Variants in TMEM52B observed in about 807,000 individuals in gnomAD.
TMEM52B encodes the protein chromosome 12 open reading frame 59.
In TMEM52B, 11 loss-of-function variants were observed where a neutral mutation model predicts 16.1. The observed-to-expected ratio is 0.68, with a 90% CI of 0.43 to 1.13. The LOEUF (loss-of-function observed/expected upper bound fraction) is 1.13, where lower values mean the gene tolerates loss of function less well. Ranked by LOEUF, TMEM52B falls within the 50% of genes most tolerant of loss-of-function variation. The probability of loss-of-function intolerance (pLI) is 0.00; values close to 1 mark genes in which losing one functional copy is unlikely to be tolerated. For synonymous variants in TMEM52B, 101 were observed against 93.8 expected (o/e 1.08, Z -0.45); for missense variants, 243 against 230.4 (o/e 1.05, Z -0.35).
intron 2 of TMEM52B, among the ~76,000 whole-genome samples, chr12:10,183,785 A>G (rs1414925386): frequency 6.6e-6 from 1 of 152,134 alleles, no homozygotes; most frequent in Non-Finnish European, 1.5e-5. Flanking sequence ...CTCAGTGGAT[A>G]TGCAAATTAG....
chr12:10,181,659 T>A (rs1948824368), intron 1 of TMEM52B, among the ~76,000 whole-genome samples: 1 of 151,738 alleles, frequency 6.6e-6, no homozygotes, highest in Admixed American at 6.6e-5. Flanking sequence ...TGTGCCTTAG[T>A]CCCTTAACCT....
rs565407890 is a variant in TMEM52B, at chr12:10,181,746, G to A, written c.55-804G>A. On this transcript the variant is annotated intron_variant, in intron 1 of 4. Coordinates refer to ENST00000543484, the MANE Select transcript of TMEM52B (RefSeq NM_001384896.1). ...TATGAAATATTAAGAGTTCATGGCC[G>A]GGCGCGGTGGCTCACACCTGTAATC... Among the ~76,000 whole-genome samples, 11 of 151,506 alleles carry A rather than the reference G, an allele frequency of 7.3e-5. No homozygotes were observed. In the East Asian group the frequency reaches 2.0e-3, roughly 27 times the overall value.
At chr12:10,184,408 A>C (rs4764306) in intron 2 of TMEM52B, among the ~76,000 whole-genome samples, 110,965 of 152,054 alleles carry the variant, frequency 0.73, 41,092 homozygotes, top group Middle Eastern at 0.83. Flanking sequence ...GGCAAAACAA[A>C]TTGTGATTGG....
intron 1 of TMEM52B, chr12:10,172,154 G>T (rs1948727667): frequency 2.0e-6 from 2 of 976,274 alleles, no homozygotes; most frequent in Non-Finnish European, 3.3e-6. Flanking sequence ...AGCTTCTGCA[G>T]AAGTATTTAA....
chr12:10,189,809 C>T (rs371915558), intron 4 of TMEM52B, 87 bp from the exon 5 acceptor site: 37 of 1,523,492 alleles, frequency 2.4e-5, no homozygotes, highest in South Asian at 2.0e-4. Context: ...AAAAATGAAG[C>T]GACAGTTAAG....
intron 1 of TMEM52B, among the ~76,000 whole-genome samples, chr12:10,180,189 C>T (rs1948805948): frequency 6.6e-6 from 1 of 151,828 alleles, no homozygotes; most frequent in African/African-American, 2.4e-5. Flanking sequence ...AGAGCTATGC[C>T]ATCTAGCAAG....
At position 10,182,532 on chromosome 12, in the gene TMEM52B, CA is replaced by C. The variant is rs1405682199; in HGVS notation, c.55-16del. 1 of 1,534,094 alleles carries C rather than the reference CA, an allele frequency of 6.5e-7. No individual in the cohort carries two copies. Among genetic ancestry groups the C allele is most frequent in the East Asian group, 2.4e-5 (1 of 40,856 alleles). On this transcript the variant is annotated splice_polypyrimidine_tract_variant and intron_variant, in intron 1 of 4. Transcript: ENST00000543484. ...GCCAAAACAATTTCCCTGTATAAGA[CA>C]ATTTCTCTTTCTACAGCTTTCTGGG...
chr12:10,175,704 G>A (rs1398783980), upstream of TMEM52B, among the ~76,000 whole-genome samples: 1 of 152,162 alleles, frequency 6.6e-6, no homozygotes, highest in African/African-American at 2.4e-5. Context: ...CTTCCCAAGG[G>A]ATCTCCCAAG....
upstream of TMEM52B, among the ~76,000 whole-genome samples, chr12:10,178,248 G>A (rs1170181973): frequency 1.3e-5 from 2 of 151,704 alleles, no homozygotes; most frequent in Non-Finnish European, 2.9e-5. Flanking sequence ...CAGGCACGGT[G>A]GCTCACGCCT....
chr12:10,174,270 C>T (rs1036751523), upstream of TMEM52B, among the ~76,000 whole-genome samples: 3 of 152,046 alleles, frequency 2.0e-5, no homozygotes, highest in African/African-American at 7.3e-5. Context: ...ACCATGTTGG[C>T]CAGGCTGGTC....
At chr12:10,178,079 A>G (rs1488219327), upstream of TMEM52B, among the ~76,000 whole-genome samples, 1 of 151,360 alleles carries the variant, frequency 6.6e-6, no homozygotes, top group Non-Finnish European at 1.5e-5. Context: ...TATGTTTCGT[A>G]GAGAAAGGGT....
intron 2 of TMEM52B, among the ~76,000 whole-genome samples, chr12:10,184,505 G>C (rs1036411468): frequency 3.3e-5 from 5 of 152,144 alleles, no homozygotes; most frequent in African/African-American, 1.2e-4. Context: ...TGTTGGCATT[G>C]AATTGAATTA....
At chr12:10,178,102 T>C (rs1325111738), upstream of TMEM52B, among the ~76,000 whole-genome samples, 1 of 151,690 alleles carries the variant, frequency 6.6e-6, no homozygotes, top group Non-Finnish European at 1.5e-5. Context: ...CATCATGTTC[T>C]CCAGGCTGGT....
intron 1 of TMEM52B, among the ~76,000 whole-genome samples, chr12:10,179,926 A>T (rs1226447376): frequency 6.6e-6 from 1 of 152,206 alleles, no homozygotes; most frequent in Non-Finnish European, 1.5e-5. Context: ...TTAGCATCTT[A>T]TCACCCATCC....
At chr12:10,189,623 CAAA>C (rs766090432) in intron 4 of TMEM52B, among the ~76,000 whole-genome samples, 8 of 82,938 alleles carry the variant, frequency 9.6e-5, no homozygotes, top group African/African-American at 3.7e-4. Flanking sequence ...AACTCCGTCT[CAAA>C]AAAAAAAAAA....
At chr12:10,182,774 A>C (rs1356981746) in intron 2 of TMEM52B, among the ~76,000 whole-genome samples, 181 bp downstream of exon 2, 1 of 152,166 alleles carries the variant, frequency 6.6e-6, no homozygotes. Flanking sequence ...TAAGCACTCA[A>C]AATAACACTG....
rs1054563174 is a variant in TMEM52B, at chr12:10,181,616, C to T, written c.55-934C>T. On this transcript the variant is annotated intron_variant, in intron 1 of 4. Transcript: ENST00000543484. ...GTGCTGGGATTACAGGCGTGAGCCA[C>T]CACGCCTGGCCTGGTCACATTACTT... Among the ~76,000 whole-genome samples, 3 of 151,920 alleles carry T rather than the reference C, an allele frequency of 2.0e-5. No individual in the cohort carries two copies. In the East Asian group the frequency reaches 5.8e-4, roughly 30 times the overall value.
chr12:10,186,937 T>C (rs540490822), intron 4 of TMEM52B, among the ~76,000 whole-genome samples: 165 of 152,268 alleles, frequency 1.1e-3, no homozygotes, highest in African/African-American at 3.8e-3. Flanking sequence ...AATCTACTTT[T>C]TCTATTATCT....
chr12:10,182,315 A>C, intron 1 of TMEM52B: 1 of 985,346 alleles, frequency 1.0e-6, no homozygotes, highest in Non-Finnish European at 1.2e-6. Context: ...GGTGATGCTC[A>C]CCCACCATCA....
Sources: allele counts gnomAD v4.1 joint callset (sites outside exome capture counted in the v4.1 genomes callset), GRCh38; gene constraint gnomAD v4.1.1; transcripts MANE v1.5; gene names NCBI Gene and HGNC (gene_info 2026-07-23, HGNC 2026-07-21).